The following RPS6KC1 variants were observed in gnomAD, a reference collection of about 807,000 sequenced individuals.
The protein encoded by RPS6KC1 is ribosomal protein S6 kinase C1.
Under a neutral mutation model 103.8 loss-of-function variants are expected in RPS6KC1, and 54 were observed. The observed-to-expected ratio is 0.52, with a 90% CI of 0.42 to 0.65. RPS6KC1 has a LOEUF of 0.65. RPS6KC1 is among the 30% of genes least tolerant of loss of function. The pLI, the probability that RPS6KC1 is intolerant of heterozygous loss-of-function variation, is 0.00. For synonymous variants in RPS6KC1, 439 were observed against 438.7 expected (o/e 1.00, Z -0.01); for missense variants, 1,151 against 1,253.8 (o/e 0.92, Z 1.24).
chr1:213,467,866 T>G, the RPS6KC1 span, among the ~76,000 whole-genome samples: 2 of 152,252 alleles, frequency 1.3e-5, no homozygotes, highest in Non-Finnish European at 2.9e-5. Context: ...CCCACAGATT[T>G]GCATTTCATT....
intron 7 of RPS6KC1, among the ~76,000 whole-genome samples, chr1:213,170,658 G>GA (rs2091400624): frequency 6.6e-6 from 1 of 152,198 alleles, no homozygotes; most frequent in South Asian, 2.1e-4. Flanking sequence ...GGCTAGAGGA[G>GA]AGTAGGCACA....
chr1:213,646,384 A>G, the RPS6KC1 span, among the ~76,000 whole-genome samples: 3 of 152,216 alleles, frequency 2.0e-5, no homozygotes. Context: ...AGAAGATGAT[A>G]GAAAGTAGAG....
the RPS6KC1 span, among the ~76,000 whole-genome samples, chr1:213,849,906 A>C: frequency 6.6e-6 from 1 of 152,002 alleles, no homozygotes; most frequent in Non-Finnish European, 1.5e-5. Context: ...GTGCTTTCTA[A>C]CTGATAATTT....
At chr1:213,616,722 C>T in the RPS6KC1 span, among the ~76,000 whole-genome samples, 1 of 152,266 alleles carries the variant, frequency 6.6e-6, no homozygotes, top group South Asian at 2.1e-4. Flanking sequence ...GGTATACATA[C>T]TATAGCATGA....
At chr1:213,351,322 G>A in the RPS6KC1 span, among the ~76,000 whole-genome samples, 3 of 152,286 alleles carry the variant, frequency 2.0e-5, no homozygotes, top group South Asian at 2.1e-4. Flanking sequence ...CTATAAAAGC[G>A]CAAAAGGCTT....
At chr1:213,592,777 A>G in the RPS6KC1 span, among the ~76,000 whole-genome samples, 8 of 152,312 alleles carry the variant, frequency 5.3e-5, no homozygotes, top group Admixed American at 5.2e-4. Context: ...CCTGAGATAC[A>G]GTAGTGGACA....
chr1:213,520,544 A>T, the RPS6KC1 span, among the ~76,000 whole-genome samples: 1 of 152,092 alleles, frequency 6.6e-6, no homozygotes, highest in Admixed American at 6.5e-5. Flanking sequence ...TAAGAAAGGG[A>T]CTTAAAAGGG....
In RPS6KC1 at chr1:213,267,690, CAA is replaced by C. The variant is rs568118400; in HGVS notation, c.3091-4832_3091-4831del. On this transcript the variant is annotated intron_variant, in intron 14 of 14. Transcript: ENST00000366960. ...GGAAAGTATGACAAAAATGAATCAA[CAA>C]AGAGATTCTGTAATAAGGAGACAGA... Among the ~76,000 whole-genome samples, 447 of 151,534 alleles carry C rather than the reference CAA, an allele frequency of 2.9e-3. 1 individual carries two copies. The highest frequency in any genetic ancestry group is 9.4e-3 in the African/African-American group (389 of 41,344).
chr1:213,602,007 T>TC, the RPS6KC1 span, among the ~76,000 whole-genome samples: 1 of 49,974 alleles, frequency 2.0e-5, no homozygotes, highest in African/African-American at 6.4e-5. Flanking sequence ...TTTTCTTTTC[T>TC]TTTCTTTTCT....
the RPS6KC1 span, among the ~76,000 whole-genome samples, chr1:213,671,490 A>C: frequency 1.3e-5 from 2 of 152,156 alleles, no homozygotes; most frequent in African/African-American, 4.8e-5. Context: ...CAATGCATTG[A>C]ATATTTCAAA....
chr1:213,091,028 G>C (rs755509391), intron 3 of RPS6KC1, among the ~76,000 whole-genome samples: 1 of 151,960 alleles, frequency 6.6e-6, no homozygotes, highest in Non-Finnish European at 1.5e-5. Flanking sequence ...TAAAATTCAG[G>C]GTCACAAAGA....
At chr1:213,626,918 T>G in the RPS6KC1 span, among the ~76,000 whole-genome samples, 1 of 152,228 alleles carries the variant, frequency 6.6e-6, no homozygotes, top group African/African-American at 2.4e-5. Context: ...GGCTCTTTTT[T>G]GGTTCCATAT....
the RPS6KC1 span, among the ~76,000 whole-genome samples, chr1:213,496,377 ATATAT>A: frequency 3.3e-5 from 5 of 152,214 alleles, no homozygotes; most frequent in Admixed American, 6.5e-5. Context: ...ATGGGCAAAG[ATATAT>A]TAGGTGGATG....
intron 8 of RPS6KC1, among the ~76,000 whole-genome samples, chr1:213,180,044 A>G (rs1490907131): frequency 2.0e-5 from 3 of 152,226 alleles, no homozygotes; most frequent in African/African-American, 7.2e-5. Context: ...TTTAGTATTC[A>G]AAGAGAAGTA....
At chr1:213,352,111 T>C in the RPS6KC1 span, among the ~76,000 whole-genome samples, 1 of 152,174 alleles carries the variant, frequency 6.6e-6, no homozygotes, top group Admixed American at 6.5e-5. Flanking sequence ...ATTGTTTCAG[T>C]ATTCAGTATC....
At chr1:213,798,913 C>A in the RPS6KC1 span, among the ~76,000 whole-genome samples, 1 of 152,066 alleles carries the variant, frequency 6.6e-6, no homozygotes, top group Admixed American at 6.5e-5. Context: ...CAAGTCAGTG[C>A]CAAATTCCTT....
At chr1:213,402,947 T>C in the RPS6KC1 span, among the ~76,000 whole-genome samples, 40 of 87,732 alleles carry the variant, frequency 4.6e-4, no homozygotes, top group Admixed American at 1.5e-3. Flanking sequence ...ACCCTGTCTC[T>C]ACTAAAAATA....
chr1:213,407,754 G>A, the RPS6KC1 span, among the ~76,000 whole-genome samples: 6 of 152,112 alleles, frequency 3.9e-5, no homozygotes. Context: ...GTCTATGTGA[G>A]TTTGGCCCTT....
At chr1:213,733,295 A>G in the RPS6KC1 span, among the ~76,000 whole-genome samples, 4 of 150,996 alleles carry the variant, frequency 2.6e-5, no homozygotes, top group African/African-American at 4.9e-5. Context: ...GCTGCAGTAC[A>G]GTGGTGCGAA....
Sources: allele counts gnomAD v4.1 joint callset (sites outside exome capture counted in the v4.1 genomes callset), GRCh38; gene constraint gnomAD v4.1.1; transcripts MANE v1.5; gene names NCBI Gene and HGNC (gene_info 2026-07-23, HGNC 2026-07-21).